Variants in USP48 observed in about 807,000 individuals in gnomAD.
The protein encoded by USP48 is ubiquitin specific peptidase 48.
In USP48, 43 loss-of-function variants were observed where a neutral mutation model predicts 150.7. That is an observed-to-expected ratio of 0.29 (90% CI 0.22 to 0.37). USP48 has a LOEUF of 0.37. USP48 is among the 10% of genes least tolerant of loss of function. USP48 has a pLI of 1.00. For missense variants in USP48, 813 were observed against 1,249.6 expected (o/e 0.65, Z 5.27); for synonymous variants, 396 against 425.9 (o/e 0.93, Z 0.86).
At chr1:21,699,301 C>A (rs2097647810) in intron 22 of USP48, among the ~76,000 whole-genome samples, 1 of 151,114 alleles carries the variant, frequency 6.6e-6, no homozygotes, top group Non-Finnish European at 1.5e-5. Context: ...TGGGTTCACG[C>A]CATTCTCCTG....
chr1:21,715,367 T>C, intron 15 of USP48, 22 bp downstream of exon 15: 1 of 1,555,142 alleles, frequency 6.4e-7, no homozygotes, highest in Non-Finnish European at 8.8e-7. Context: ...TAAAACAGAA[T>C]TCATTTATGC....
intron 1 of USP48, among the ~76,000 whole-genome samples, chr1:21,779,285 C>T (rs1203254873): frequency 6.6e-6 from 1 of 152,012 alleles, no homozygotes; most frequent in East Asian, 1.9e-4. Context: ...TGGCTCAAGC[C>T]TGTAATCCCA....
At chr1:21,756,393 A>G (rs1461557856) in intron 3 of USP48, among the ~76,000 whole-genome samples, 153 bp downstream of exon 3, 3 of 151,134 alleles carry the variant, frequency 2.0e-5, no homozygotes, top group Admixed American at 6.6e-5. Flanking sequence ...AGGCAGGAGA[A>G]TCGCTTCAGC....
At chr1:21,752,441 A>G (rs1161741784) in intron 5 of USP48, 86 bp downstream of exon 5, 1 of 1,496,218 alleles carries the variant, frequency 6.7e-7, no homozygotes, top group Non-Finnish European at 9.0e-7. Context: ...CTAAAGCTAC[A>G]ACCTGGAACT....
intron 1 of USP48, among the ~76,000 whole-genome samples, chr1:21,773,949 G>A (rs1284884178): frequency 6.6e-6 from 1 of 152,008 alleles, no homozygotes; most frequent in Non-Finnish European, 1.5e-5. Context: ...ACCAGTCAGG[G>A]CAGCAAAGCA....
At chr1:21,719,077 C>A (rs1046543066) in intron 14 of USP48, among the ~76,000 whole-genome samples, 2 of 151,032 alleles carry the variant, frequency 1.3e-5, no homozygotes, top group African/African-American at 4.9e-5. Flanking sequence ...GACCAGCTGG[C>A]CAACATGGTG....
intron 19 of USP48, among the ~76,000 whole-genome samples, chr1:21,705,062 T>C (rs1452791639): frequency 6.6e-6 from 1 of 151,984 alleles, no homozygotes; most frequent in Non-Finnish European, 1.5e-5. Flanking sequence ...ATGTAGAGAA[T>C]ATATAAACTT....
At chr1:21,685,807 G>C (rs1410050675) in intron 25 of USP48, 1 of 151,854 alleles carries the variant, frequency 6.6e-6, no homozygotes, top group Non-Finnish European at 1.5e-5. Context: ...GGCGTCTTTA[G>C]GTTTTTCTAC....
intron 15 of USP48, among the ~76,000 whole-genome samples, chr1:21,707,829 A>G (rs1421831254): frequency 6.6e-6 from 1 of 152,226 alleles, no homozygotes; most frequent in Non-Finnish European, 1.5e-5. Context: ...GAATATAACC[A>G]GGCAGAGTAC....
chr1:21,757,163 G>A (rs2152605584), intron 2 of USP48, among the ~76,000 whole-genome samples: 1 of 152,072 alleles, frequency 6.6e-6, no homozygotes, highest in Admixed American at 6.6e-5. Context: ...CCAAAGATAA[G>A]GTTGGGAATT....
At chr1:21,732,608 C>A in intron 9 of USP48, 1 of 229,370 alleles carries the variant, frequency 4.4e-6, no homozygotes, top group Non-Finnish European at 9.1e-6. Flanking sequence ...AAAAACAGCA[C>A]TCTATCCAGA....
chr1:21,765,614 CA>C (rs11399093), intron 1 of USP48, among the ~76,000 whole-genome samples: 5 of 143,704 alleles, frequency 3.5e-5, no homozygotes, highest in African/African-American at 5.2e-5. Flanking sequence ...GAGACTCTGT[CA>C]AAAAAAAAAA....
chr1:21,773,254 C>CAAAAAAAAAAA (rs60704662), intron 1 of USP48, among the ~76,000 whole-genome samples: 1 of 66,168 alleles, frequency 1.5e-5, no homozygotes, highest in Non-Finnish European at 3.1e-5. Flanking sequence ...GACTCGGTCT[C>CAAAAAAAAAAA]AAAAAAAAAA....
intron 1 of USP48, among the ~76,000 whole-genome samples, chr1:21,775,766 G>A (rs1216581202): frequency 6.6e-6 from 1 of 152,102 alleles, no homozygotes; most frequent in Non-Finnish European, 1.5e-5. Flanking sequence ...ATCAAGGCTG[G>A]GCATGGTGAC....
chr1:21,767,728 TGAA>T (rs1346345397), intron 1 of USP48, among the ~76,000 whole-genome samples: 1 of 152,052 alleles, frequency 6.6e-6, no homozygotes, highest in African/African-American at 2.4e-5. Flanking sequence ...GAAAAATCAT[TGAA>T]GAAGGAAACT....
At chr1:21,683,611 T>C (rs1407467736) in intron 25 of USP48, among the ~76,000 whole-genome samples, 1 of 152,202 alleles carries the variant, frequency 6.6e-6, no homozygotes, top group Non-Finnish European at 1.5e-5. Context: ...GGTCCTGAAC[T>C]CTTGGGTTCA....
chr1:21,775,952 T>C (rs1479662133), intron 1 of USP48, among the ~76,000 whole-genome samples: 1 of 152,166 alleles, frequency 6.6e-6, no homozygotes, highest in Non-Finnish European at 1.5e-5. Flanking sequence ...TAAATACATA[T>C]TAAACATATG....
At chr1:21,689,313 G>GAAA (rs36100530) in intron 24 of USP48, among the ~76,000 whole-genome samples, 2 of 80,036 alleles carry the variant, frequency 2.5e-5, no homozygotes, top group African/African-American at 8.7e-5. Flanking sequence ...CCAAAAAAAG[G>GAAA]AAAAAAAAAA....
At chr1:21,752,466 T>C in intron 5 of USP48, 61 bp downstream of exon 5, 1 of 1,580,886 alleles carries the variant, frequency 6.3e-7, no homozygotes, top group South Asian at 1.2e-5. Flanking sequence ...TGAAAAATAG[T>C]TAACATATGA....
Sources: gnomAD v4.1 joint callset for allele counts (sites outside exome capture counted in the v4.1 genomes callset) on GRCh38, gnomAD v4.1.1 for gene constraint, MANE v1.5 for transcripts, NCBI Gene and HGNC (gene_info 2026-07-23, HGNC 2026-07-21) for gene names.